ESF1: variants seen among roughly 807,000 people sequenced by gnomAD.
ESF1 encodes ESF1 homolog.
In ESF1, 58 loss-of-function variants were observed where a neutral mutation model predicts 92.0. The observed-to-expected ratio is 0.63, with a 90% CI of 0.51 to 0.78. ESF1 has a LOEUF of 0.78. Among genes scored for constraint, ESF1 ranks in the 30% least tolerant of loss-of-function variants. The pLI is 0.00. For missense variants in ESF1, 922 were observed against 989.1 expected, an observed-to-expected ratio of 0.93 and a Z score of 0.91; for synonymous variants, 321 against 313.7, an observed-to-expected ratio of 1.02 and a Z score of -0.24.
chr20:13,756,877 T>A (rs1473547741), intron 9 of ESF1, among the ~76,000 whole-genome samples: 2 of 152,212 alleles, frequency 1.3e-5, no homozygotes, highest in Non-Finnish European at 2.9e-5. Flanking sequence ...GTTTTAAAAG[T>A]TTTTAAAATT....
chr20:13,775,401 G>T (rs113722481), intron 3 of ESF1, 131 bp from the exon 4 acceptor site: 2 of 539,510 alleles, frequency 3.7e-6, no homozygotes, highest in South Asian at 6.8e-5. Context: ...TTATCTAAGC[G>T]TAATTCAGTA....
Position 13,714,786 on chromosome 20 carries a change from T to C in ESF1, c.*88A>G, listed in dbSNP as rs989195293. On this transcript the variant is annotated 3_prime_UTR_variant, in exon 14 of 14. Coordinates refer to ENST00000617257, the MANE Select transcript of ESF1 (RefSeq NM_001276380.2). Reference sequence around the variant, plus strand: ...AGATTTTATTCATGTTCTTGAAAGATAGCTTTGTTCCCAATAAATATTCCC... The same window carrying C: ...AGATTTTATTCATGTTCTTGAAAGACAGCTTTGTTCCCAATAAATATTCCC... The C allele has an allele frequency of 6.0e-5, 67 of 1,125,640 alleles. No individual in the cohort carries two copies. In the South Asian group the frequency reaches 7.6e-4, roughly 13 times the overall value. The allele number at this position is 1,125,640 out of a possible 1,614,324, so 69.7% of individuals were successfully genotyped here. A position where few individuals can be genotyped will look rare whatever the true frequency, so the allele number is the denominator to read the frequency against.
intron 4 of ESF1, among the ~76,000 whole-genome samples, chr20:13,773,823 C>A (rs139538468): frequency 6.6e-6 from 1 of 152,086 alleles, no homozygotes; most frequent in Non-Finnish European, 1.5e-5. Flanking sequence ...AGGCCAGGCG[C>A]GGTGGCTCAC....
intron 8 of ESF1, among the ~76,000 whole-genome samples, chr20:13,760,868 G>A (rs539018274): frequency 2.0e-5 from 3 of 152,230 alleles, no homozygotes; most frequent in East Asian, 1.9e-4. Flanking sequence ...CCACCACCCC[G>A]TCTGGGAGGT....
intron 1 of ESF1, among the ~76,000 whole-genome samples, chr20:13,783,770 C>T (rs550292579): frequency 6.6e-5 from 10 of 152,256 alleles, no homozygotes; most frequent in African/African-American, 2.2e-4. Flanking sequence ...AGCCTAACGG[C>T]ACTACAGCAC....
chr20:13,747,123 T>C (rs138590488), intron 9 of ESF1, among the ~76,000 whole-genome samples: 7 of 152,290 alleles, frequency 4.6e-5, no homozygotes, highest in South Asian at 2.1e-4. Flanking sequence ...GGTACGCTGG[T>C]TGGGAATCCT....
At chr20:13,749,527 C>T (rs1009289181) in intron 9 of ESF1, among the ~76,000 whole-genome samples, 5 of 151,986 alleles carry the variant, frequency 3.3e-5, no homozygotes, top group Admixed American at 6.6e-5. Context: ...AAGTTTTCCA[C>T]ATCACTGAAT....
intron 4 of ESF1, 150 bp from the exon 5 acceptor site, chr20:13,772,765 A>G: frequency 1.8e-6 from 1 of 570,638 alleles, no homozygotes; most frequent in Non-Finnish European, 3.1e-6. Context: ...AGGAAGCTAG[A>G]GCATCTTGAG....
intron 9 of ESF1, among the ~76,000 whole-genome samples, chr20:13,758,170 C>T (rs932945725): frequency 2.6e-5 from 4 of 152,186 alleles, no homozygotes; most frequent in Non-Finnish European, 5.9e-5. Flanking sequence ...AATCTACCTT[C>T]CTTCAACTTT....
chr20:13,737,551 T>A (rs191195071), intron 9 of ESF1, among the ~76,000 whole-genome samples: 1 of 152,348 alleles, frequency 6.6e-6, no homozygotes, highest in African/African-American at 2.4e-5. Context: ...CAGCACTCTT[T>A]ATTTAAACCT....
intron 4 of ESF1, 80 bp downstream of exon 4, chr20:13,775,077 A>G: frequency 1.4e-6 from 1 of 696,344 alleles, no homozygotes; most frequent in South Asian, 1.9e-5. Context: ...AAGGAAAACT[A>G]TGGCCAAAAA....
chr20:13,770,084 C>T, intron 6 of ESF1, 63 bp from the exon 7 acceptor site: 1 of 927,232 alleles, frequency 1.1e-6, no homozygotes, highest in Non-Finnish European at 1.7e-6. Flanking sequence ...AGTTTAGATT[C>T]TCATCTAATT....
chr20:13,716,647 T>TA (rs1386619118), intron 13 of ESF1, among the ~76,000 whole-genome samples: 3 of 149,356 alleles, frequency 2.0e-5, no homozygotes. Context: ...TTTTTCTTTT[T>TA]TTTTTTTTTT....
At chr20:13,743,855 T>C (rs2050031046) in intron 9 of ESF1, among the ~76,000 whole-genome samples, 1 of 152,242 alleles carries the variant, frequency 6.6e-6, no homozygotes, top group Admixed American at 6.5e-5. Flanking sequence ...ACAATGAATA[T>C]GTATATTAAA....
At chr20:13,783,265 C>T (rs1286350557) in intron 1 of ESF1, 82 bp from the exon 2 acceptor site, 1 of 976,696 alleles carries the variant, frequency 1.0e-6, no homozygotes, top group African/African-American at 1.7e-5. Flanking sequence ...ACAATATATT[C>T]TAAGTTAATA....
At chr20:13,736,741 A>G (rs2049977790) in intron 9 of ESF1, among the ~76,000 whole-genome samples, 1 of 152,142 alleles carries the variant, frequency 6.6e-6, no homozygotes, top group African/African-American at 2.4e-5. Flanking sequence ...AAAGAAAAGG[A>G]CCTATAACTC....
chr20:13,741,479 G>T (rs918272531), intron 9 of ESF1, among the ~76,000 whole-genome samples: 1 of 152,154 alleles, frequency 6.6e-6, no homozygotes, highest in Non-Finnish European at 1.5e-5. Flanking sequence ...GTAAAACACA[G>T]AGCCAAGCAA....
chr20:13,726,320 C>A (rs1600266942), intron 11 of ESF1, among the ~76,000 whole-genome samples: 1 of 152,208 alleles, frequency 6.6e-6, no homozygotes, highest in African/African-American at 2.4e-5. Flanking sequence ...GAGTCTCCAG[C>A]CTGTCCTCAT....
At chr20:13,781,298 A>G (rs1040153364) in intron 2 of ESF1, among the ~76,000 whole-genome samples, 6 of 152,232 alleles carry the variant, frequency 3.9e-5, no homozygotes, top group Non-Finnish European at 2.9e-5. Flanking sequence ...AAATGAGTAG[A>G]AAATGGGATG....
Sources: gnomAD v4.1 joint callset for allele counts (sites outside exome capture counted in the v4.1 genomes callset) on GRCh38, gnomAD v4.1.1 for gene constraint, MANE v1.5 for transcripts, NCBI Gene and HGNC (gene_info 2026-07-23, HGNC 2026-07-21) for gene names.